The following DNMT3B variants were observed in gnomAD, a reference collection of about 807,000 sequenced individuals.
The protein encoded by DNMT3B is DNA (cytosine-5)-methyltransferase 3B.
In DNMT3B, 37 loss-of-function variants were observed where a neutral mutation model predicts 120.2. The ratio of observed to expected loss-of-function variants is 0.31; its 90% CI spans 0.24 to 0.40. The LOEUF (loss-of-function observed/expected upper bound fraction) is 0.40, where lower values mean the gene tolerates loss of function less well. Among genes scored for constraint, DNMT3B ranks in the 10% least tolerant of loss-of-function variants. The pLI, the probability that DNMT3B is intolerant of heterozygous loss-of-function variation, is 1.00. For missense variants in DNMT3B, 878 were observed against 1,137.3 expected (o/e 0.77, Z 3.28); for synonymous variants, 412 against 442.8 (o/e 0.93, Z 0.87).
intron 15 of DNMT3B, 100 bp downstream of exon 15, chr20:32,798,743 G>A (rs960651709): frequency 2.2e-5 from 34 of 1,530,576 alleles, no homozygotes; most frequent in African/African-American, 9.6e-5. Flanking sequence ...GTAAAGACAC[G>A]TTGTACCTCT....
chr20:32,764,877 AGAGGC>A (rs2145830691), intron 1 of DNMT3B, among the ~76,000 whole-genome samples: 1 of 152,310 alleles, frequency 6.6e-6, no homozygotes, highest in East Asian at 1.9e-4. Flanking sequence ...GGTGGGGTTG[AGAGGC>A]TGCTTCCTTC....
chr20:32,778,904 C>G (rs1294214417), intron 1 of DNMT3B, among the ~76,000 whole-genome samples: 1 of 152,110 alleles, frequency 6.6e-6, no homozygotes, highest in Admixed American at 6.6e-5. Context: ...CCACTGCACT[C>G]CAGCCTGGGT....
At chr20:32,805,055 G>A (rs1981813566) in intron 20 of DNMT3B, among the ~76,000 whole-genome samples, 1 of 152,126 alleles carries the variant, frequency 6.6e-6, no homozygotes, top group Admixed American at 6.5e-5. Context: ...GGGACCTGAG[G>A]TTTCTCCTGC....
intron 9 of DNMT3B, 126 bp downstream of exon 9, chr20:32,792,896 G>A (rs1396240485): frequency 6.2e-5 from 88 of 1,430,450 alleles, no homozygotes; most frequent in Non-Finnish European, 8.0e-5. Flanking sequence ...AACTCTGAAT[G>A]TTGGAAAAAT....
intron 6 of DNMT3B, among the ~76,000 whole-genome samples, chr20:32,788,006 A>G (rs1568841192): frequency 1.3e-5 from 2 of 152,108 alleles, no homozygotes; most frequent in South Asian, 4.1e-4. Context: ...TTCACAAGGT[A>G]ATGTCATCAC....
At chr20:32,803,316 A>G (rs1216229174) in intron 20 of DNMT3B, among the ~76,000 whole-genome samples, 1 of 152,020 alleles carries the variant, frequency 6.6e-6, no homozygotes, top group Non-Finnish European at 1.5e-5. Context: ...GTTGAGCTTA[A>G]AACATTCTCC....
Position 32,766,629 on chromosome 20 carries a change from G to C in DNMT3B, c.-7+3930G>C, listed in dbSNP as rs536779900. 7.9e-5 allele frequency among the ~76,000 whole-genome samples: 12 copies of C among 152,252 alleles called. No individual in the cohort carries two copies. In the South Asian group the frequency reaches 2.5e-3, roughly 32 times the overall value. On this transcript the variant is annotated intron_variant, in intron 1 of 22. Coordinates refer to ENST00000328111, the MANE Select transcript of DNMT3B (RefSeq NM_006892.4). ...TTATATTTTGAGACAGTCTCGCTCT[G>C]TTGCCCAGGTTGGAGCGCAGTGGCG...
chr20:32,799,153 G>A, intron 15 of DNMT3B, 91 bp from the exon 16 acceptor site: 2 of 1,425,428 alleles, frequency 1.4e-6, no homozygotes, highest in Non-Finnish European at 9.7e-7. Flanking sequence ...AAGGTTTGAA[G>A]CCCTCTGAGC....
chr20:32,764,391 C>T (rs1278281848), intron 1 of DNMT3B, among the ~76,000 whole-genome samples: 1 of 152,176 alleles, frequency 6.6e-6, no homozygotes, highest in Non-Finnish European at 1.5e-5. Flanking sequence ...AGGGTCAGCA[C>T]ATGGTGAGTG....
At chr20:32,790,511 G>A (rs1437254719) in intron 7 of DNMT3B, among the ~76,000 whole-genome samples, 5 of 144,042 alleles carry the variant, frequency 3.5e-5, no homozygotes, top group African/African-American at 1.3e-4. Context: ...GCTGGAACCA[G>A]CACTTGTGTT....
intron 7 of DNMT3B, among the ~76,000 whole-genome samples, chr20:32,789,514 C>T (rs1328030803): frequency 6.6e-6 from 1 of 152,166 alleles, no homozygotes; most frequent in East Asian, 1.9e-4. Flanking sequence ...TAAAATCTTT[C>T]TTGGTAATGA....
intron 20 of DNMT3B, among the ~76,000 whole-genome samples, chr20:32,804,849 A>G (rs1317683828): frequency 6.6e-6 from 1 of 152,048 alleles, no homozygotes; most frequent in Non-Finnish European, 1.5e-5. Flanking sequence ...GAACCACTGC[A>G]GGCGGTTGCC....
chr20:32,799,293 T>G lies in DNMT3B; in HGVS notation c.1724T>G (p.Ile575Ser). ...ATTCCCGCAGCCCGAAGGCGGCCCA[T>G]TCGAGTCCTGTCATTGTTTGATGGC... ...PAIPAARRRP[I>S]RVLSLFDGIA... Residue 575 changes from isoleucine to serine, a missense_variant, in exon 16 of 23, where the codon ATT (isoleucine) becomes AGT (serine). By Grantham distance (142) the Ile-to-Ser change is moderately radical. Coordinates refer to ENST00000328111, the MANE Select transcript of DNMT3B (RefSeq NM_006892.4). 1 of 1,613,610 alleles carries G rather than the reference T, an allele frequency of 6.2e-7. No individual in the cohort carries two copies. The highest frequency in any genetic ancestry group is 8.5e-7 in the Non-Finnish European group (1 of 1,179,852).
intron 1 of DNMT3B, among the ~76,000 whole-genome samples, chr20:32,770,017 C>T (rs1436137858): frequency 1.3e-5 from 2 of 152,136 alleles, no homozygotes; most frequent in African/African-American, 4.8e-5. Flanking sequence ...CTCACTGTAG[C>T]CTCAACTCCA....
chr20:32,801,333 C>T lies in DNMT3B; in HGVS notation c.2052C>T (p.Pro684=), dbSNP rs748277075. 1.9e-5 allele frequency: 30 copies of T among 1,614,126 alleles called. No individual in the cohort carries two copies. Among genetic ancestry groups the T allele is most frequent in the South Asian group, 1.5e-4 (14 of 91,074 alleles). ...EFYHLLNYSR[P]KEGDDRPFFW... is the part of the protein sequence containing the mutation. Reference sequence around the variant, plus strand: ...ACCACCTGCTGAATTACTCACGCCCCAAGGAGGGTGATGACCGGCCGTTCT... The same window carrying T: ...ACCACCTGCTGAATTACTCACGCCCTAAGGAGGGTGATGACCGGCCGTTCT... The change falls in exon 19 of 23, where the codon CCC becomes CCT. Residue 684 remains proline (P), a synonymous_variant. Coordinates refer to ENST00000328111, the MANE Select transcript of DNMT3B (RefSeq NM_006892.4).
At chr20:32,802,611 G>C in intron 20 of DNMT3B, 141 bp downstream of exon 20, 1 of 854,732 alleles carries the variant, frequency 1.2e-6, no homozygotes, top group Admixed American at 2.0e-5. Context: ...GTGGTCGTGC[G>C]GGTTGATCTC....
intron 13 of DNMT3B, 108 bp downstream of exon 13, chr20:32,796,977 A>G (rs1428998414): frequency 6.2e-7 from 1 of 1,613,392 alleles, no homozygotes; most frequent in Non-Finnish European, 8.5e-7. Flanking sequence ...CACTCATCCC[A>G]GCTGCCTTGC....
chr20:32,797,133 G>T, intron 13 of DNMT3B, 54 bp from the exon 14 acceptor site: 1 of 1,608,672 alleles, frequency 6.2e-7, no homozygotes. Context: ...CAAGCCGGCA[G>T]GGCCTGCCCT....
intron 5 of DNMT3B, among the ~76,000 whole-genome samples, 180 bp from the exon 6 acceptor site, chr20:32,787,050 A>G (rs1979373502): frequency 1.3e-5 from 2 of 152,226 alleles, no homozygotes; most frequent in South Asian, 4.1e-4. Flanking sequence ...GACAGTTACA[A>G]TGACTTTCTC....
Sources: gnomAD v4.1 joint callset for allele counts (sites outside exome capture counted in the v4.1 genomes callset) on GRCh38, gnomAD v4.1.1 for gene constraint, MANE v1.5 for transcripts, NCBI Gene and HGNC (gene_info 2026-07-23, HGNC 2026-07-21) for gene names.